Variants in SAMD5 observed in about 807,000 individuals in gnomAD.
SAMD5 encodes sterile alpha motif domain-containing protein 5.
Under a neutral mutation model 11.3 loss-of-function variants are expected in SAMD5, and 13 were observed. The observed-to-expected ratio is 1.15, with a 90% CI of 0.75 to 1.83. The LOEUF (loss-of-function observed/expected upper bound fraction) is 1.83, where lower values mean the gene tolerates loss of function less well. Ranked by LOEUF, SAMD5 falls within the 40% of genes most tolerant of loss-of-function variation. SAMD5 has a pLI of 0.00. For synonymous variants in SAMD5, 129 were observed against 111.3 expected (o/e 1.16, Z -1.00); for missense variants, 255 against 239.1 (o/e 1.07, Z -0.44).
chr6:147,763,862 A>G, the SAMD5 span, among the ~76,000 whole-genome samples: 5 of 152,234 alleles, frequency 3.3e-5, no homozygotes, highest in African/African-American at 9.6e-5. Flanking sequence ...GATTACAGGC[A>G]TGAGCCACAA....
the SAMD5 span, among the ~76,000 whole-genome samples, chr6:147,765,749 A>G: frequency 6.6e-6 from 1 of 152,188 alleles, no homozygotes; most frequent in East Asian, 1.9e-4. Context: ...CGTACAACAG[A>G]TGTACATCAG....
chr6:147,898,697 A>C, the SAMD5 span, among the ~76,000 whole-genome samples: 8 of 152,210 alleles, frequency 5.3e-5, no homozygotes, highest in South Asian at 8.3e-4. Flanking sequence ...ATTTGGGGAG[A>C]GCCTTGCTGT....
intron 1 of SAMD5, among the ~76,000 whole-genome samples, chr6:147,624,587 G>A (rs9485210): frequency 0.046 from 7,034 of 152,196 alleles, 522 homozygotes; most frequent in African/African-American, 0.16. Context: ...TGGCTGAGTA[G>A]TATTCCATCA....
chr6:147,715,989 T>C (rs1187357224), intron 1 of SAMD5, among the ~76,000 whole-genome samples: 1 of 152,086 alleles, frequency 6.6e-6, no homozygotes, highest in African/African-American at 2.4e-5. Context: ...CACCATAAGT[T>C]CCCACTCTGG....
the SAMD5 span, among the ~76,000 whole-genome samples, chr6:147,952,875 T>C: frequency 4.6e-5 from 7 of 152,236 alleles, no homozygotes; most frequent in African/African-American, 1.7e-4. Flanking sequence ...CTACATTTCA[T>C]TTCATAATGT....
the SAMD5 span, among the ~76,000 whole-genome samples, chr6:147,805,094 C>T: frequency 6.6e-6 from 1 of 152,170 alleles, no homozygotes; most frequent in East Asian, 1.9e-4. Flanking sequence ...TTTCTTTTAT[C>T]CTCTTCAAAT....
At chr6:147,746,793 G>A in the SAMD5 span, among the ~76,000 whole-genome samples, 47 of 152,286 alleles carry the variant, frequency 3.1e-4, no homozygotes, top group South Asian at 9.1e-3. Context: ...GGACTAGTAC[G>A]TTTTACTAAA....
At chr6:147,555,329 G>A (rs1485783948) in intron 1 of SAMD5, among the ~76,000 whole-genome samples, 1 of 152,200 alleles carries the variant, frequency 6.6e-6, no homozygotes, top group Non-Finnish European at 1.5e-5. Context: ...AAGAACAACT[G>A]AGAACAAGCC....
the SAMD5 span, among the ~76,000 whole-genome samples, chr6:147,928,852 G>A: frequency 6.6e-6 from 1 of 152,034 alleles, no homozygotes; most frequent in Non-Finnish European, 1.5e-5. Flanking sequence ...AGAAATTCTG[G>A]TATGTTGTAT....
the SAMD5 span, among the ~76,000 whole-genome samples, chr6:147,892,215 T>C: frequency 6.6e-6 from 1 of 152,218 alleles, no homozygotes; most frequent in South Asian, 2.1e-4. Context: ...GTGTCAGGCA[T>C]TGCTGTAGTG....
intron 1 of SAMD5, among the ~76,000 whole-genome samples, chr6:147,615,159 C>G (rs74543442): frequency 8.6e-5 from 13 of 150,704 alleles, no homozygotes; most frequent in Non-Finnish European, 1.9e-4. Context: ...ACCAATCCCC[C>G]ACAGATATCG....
At chr6:147,581,519 C>G (rs191849338) in intron 1 of SAMD5, among the ~76,000 whole-genome samples, 3 of 152,138 alleles carry the variant, frequency 2.0e-5, no homozygotes, top group South Asian at 4.1e-4. Context: ...GATGGAGGAA[C>G]AGGAAGGAGC....
At chr6:147,658,723 A>G (rs1173864024) in intron 1 of SAMD5, among the ~76,000 whole-genome samples, 26 of 152,048 alleles carry the variant, frequency 1.7e-4, no homozygotes, top group Admixed American at 1.7e-3. Flanking sequence ...AGCACATGGA[A>G]TTAAGGTAAG....
intron 1 of SAMD5, among the ~76,000 whole-genome samples, chr6:147,651,785 C>G (rs1369502134): frequency 1.3e-5 from 2 of 152,172 alleles, no homozygotes; most frequent in African/African-American, 2.4e-5. Flanking sequence ...AAAATTAAAT[C>G]AGAGCAAGAA....
chr6:147,831,989 T>C, the SAMD5 span, among the ~76,000 whole-genome samples: 1 of 152,202 alleles, frequency 6.6e-6, no homozygotes, highest in Non-Finnish European at 1.5e-5. Flanking sequence ...AAGTTATTTT[T>C]TTTTTGTTTT....
At chr6:147,907,683 C>T in the SAMD5 span, among the ~76,000 whole-genome samples, 31 of 152,242 alleles carry the variant, frequency 2.0e-4, no homozygotes, top group African/African-American at 6.5e-4. Flanking sequence ...CTTTTCCTCT[C>T]CCTGTGATAT....
the SAMD5 span, among the ~76,000 whole-genome samples, chr6:147,819,790 G>A: frequency 6.6e-6 from 1 of 152,176 alleles, no homozygotes; most frequent in Non-Finnish European, 1.5e-5. Context: ...GGCTCAAGGA[G>A]GTGACAATAA....
chr6:147,788,696 G>A, the SAMD5 span, among the ~76,000 whole-genome samples: 1 of 152,158 alleles, frequency 6.6e-6, no homozygotes, highest in African/African-American at 2.4e-5. Flanking sequence ...AGTACTATGT[G>A]AATATTAGCT....
At chr6:147,720,036 A>G (rs1406437166) in intron 1 of SAMD5, among the ~76,000 whole-genome samples, 1 of 152,154 alleles carries the variant, frequency 6.6e-6, no homozygotes, top group Non-Finnish European at 1.5e-5. Flanking sequence ...GTTTTATCCC[A>G]TGTAGTCTTT....
Sources: gnomAD v4.1 joint callset for allele counts (sites outside exome capture counted in the v4.1 genomes callset) on GRCh38, gnomAD v4.1.1 for gene constraint, MANE v1.5 for transcripts, NCBI Gene and HGNC (gene_info 2026-07-23, HGNC 2026-07-21) for gene names.